GM2A: variants seen among roughly 807,000 people sequenced by gnomAD.
GM2A encodes GM2 ganglioside activator.
In GM2A, 7 loss-of-function variants were observed where a neutral mutation model predicts 12.9. The observed-to-expected ratio is 0.54, with a 90% CI of 0.31 to 1.02. The LOEUF (loss-of-function observed/expected upper bound fraction) is 1.02, where lower values mean the gene tolerates loss of function less well. Among genes scored for constraint, GM2A ranks in the 50% least tolerant of loss-of-function variants. GM2A has a pLI of 0.05. For synonymous variants in GM2A, 101 were observed against 96.0 expected, an observed-to-expected ratio of 1.05 and a Z score of -0.30; for missense variants, 246 against 241.0, an observed-to-expected ratio of 1.02 and a Z score of -0.14.
At chr5:151,266,485 T>G (rs530187258) in intron 2 of GM2A, among the ~76,000 whole-genome samples, 1 of 149,954 alleles carries the variant, frequency 6.7e-6, no homozygotes, top group South Asian at 2.2e-4. Context: ...TATGTATAGT[T>G]CAGTGTAGGG....
chr5:151,265,823 C>T (rs1753874794), intron 2 of GM2A, among the ~76,000 whole-genome samples: 1 of 152,200 alleles, frequency 6.6e-6, no homozygotes, highest in African/African-American at 2.4e-5. Context: ...TGTAGCTTTC[C>T]CGGCTGAGTC....
At chr5:151,262,232 TA>T (rs1182049137) in intron 2 of GM2A, among the ~76,000 whole-genome samples, 1 of 152,246 alleles carries the variant, frequency 6.6e-6, no homozygotes, top group East Asian at 1.9e-4. Context: ...CCTCTCTAGC[TA>T]AAATTGCTAC....
At chr5:151,262,064 G>A (rs1375589479) in intron 2 of GM2A, among the ~76,000 whole-genome samples, 2 of 152,192 alleles carry the variant, frequency 1.3e-5, no homozygotes, top group East Asian at 3.8e-4. Context: ...GAGCGTAGAT[G>A]TCTATTCATA....
At chr5:151,258,689 A>T (rs1188428333) in intron 1 of GM2A, among the ~76,000 whole-genome samples, 1 of 152,162 alleles carries the variant, frequency 6.6e-6, no homozygotes, top group Non-Finnish European at 1.5e-5. Context: ...CCATATCCCC[A>T]GCCTTTTATA....
intron 2 of GM2A, among the ~76,000 whole-genome samples, chr5:151,260,119 G>A (rs546950047): frequency 2.0e-5 from 3 of 152,174 alleles, no homozygotes; most frequent in Non-Finnish European, 2.9e-5. Flanking sequence ...TGATGTCAGC[G>A]CCAGCAACTT....
chr5:151,260,118 C>T (rs1030958128), intron 2 of GM2A, among the ~76,000 whole-genome samples: 1 of 152,176 alleles, frequency 6.6e-6, no homozygotes, highest in Non-Finnish European at 1.5e-5. Context: ...CTGATGTCAG[C>T]GCCAGCAACT....
intron 2 of GM2A, among the ~76,000 whole-genome samples, chr5:151,263,089 C>CTTTTTTTT (rs869289721): frequency 3.3e-5 from 4 of 119,544 alleles, no homozygotes; most frequent in African/African-American, 6.4e-5. Context: ...TCCCCAATTT[C>CTTTTTTTT]TTTTTTTTTT....
Position 151,267,921 on chromosome 5 carries a change from C to T in GM2A, c.*470C>T. On this transcript the variant is annotated 3_prime_UTR_variant, in exon 4 of 4. Coordinates refer to ENST00000357164, the MANE Select transcript of GM2A (RefSeq NM_000405.5). The stretch of plus-strand genomic sequence containing the variant: ...AGGGGCAAAAGTATTTGCTCTTAGT[C>T]TATTCCTCCCTTAACTTCTGTGACT... 14 of 1,134,776 alleles carry T rather than the reference C, an allele frequency of 1.2e-5. No individual in the cohort carries two copies. The highest frequency in any genetic ancestry group is 1.5e-5 in the Non-Finnish European group (14 of 917,098). 70.3% of individuals were successfully genotyped at this position (1,134,776 alleles called of 1,614,324 possible).
At chr5:151,256,608 G>GAAAA in intron 1 of GM2A, among the ~76,000 whole-genome samples, 1 of 121,632 alleles carries the variant, frequency 8.2e-6, no homozygotes, top group East Asian at 2.2e-4. Flanking sequence ...TCTGTCTCAA[G>GAAAA]AAAAAAAAAA....
chr5:151,259,852 T>C lies in GM2A; in HGVS notation c.179T>C (p.Val60Ala). Residue 60 changes from valine (V) to alanine (A), a missense_variant, in exon 2 of 4, where the codon GTT becomes GCT. Physicochemically the swap from Val to Ala is moderately conservative, Grantham distance 64 (BLOSUM62 0). Transcript: ENST00000357164. ...SLTLEPDPII[V>A]PGNVTLSVMG... is the part of the protein sequence containing the mutation. ...ACTCTGGAGCCTGACCCCATCATCGTTCCTGGAAATGTGACCCTCAGTGTC... is the reference window on the plus strand; with the variant it reads ...ACTCTGGAGCCTGACCCCATCATCGCTCCTGGAAATGTGACCCTCAGTGTC... The C allele has an allele frequency of 1.2e-6, 2 of 1,613,596 alleles. No homozygotes were observed. Among genetic ancestry groups the C allele is most frequent in the Non-Finnish European group, 1.7e-6 (2 of 1,179,546 alleles).
At chr5:151,255,917 A>C (rs1018581253) in intron 1 of GM2A, among the ~76,000 whole-genome samples, 6 of 152,150 alleles carry the variant, frequency 3.9e-5, no homozygotes, top group African/African-American at 1.4e-4. Flanking sequence ...ACTAGGTCTT[A>C]GATTGGCAGT....
rs35982513 is a variant in GM2A at position 151,268,161 on chromosome 5, CTTT to C, written c.*721_*723del. ...TTCCAGGCTTGATTTCGATTTTTCG[CTTT>C]TTTTTTTTTTGAGACAGAATCTCAC... On this transcript the variant is annotated 3_prime_UTR_variant, in exon 4 of 4. Coordinates refer to ENST00000357164, the MANE Select transcript of GM2A (RefSeq NM_000405.5). 4.9e-5 allele frequency: 41 copies of C among 844,438 alleles called. No homozygotes were observed. The highest frequency in any genetic ancestry group is 6.2e-4 in the Middle Eastern group (1 of 1,614). 52.3% of individuals were successfully genotyped at this position (844,438 alleles called of 1,614,324 possible).
chr5:151,266,606 T>A, intron 2 of GM2A, 125 bp from the exon 3 acceptor site: 1 of 733,902 alleles, frequency 1.4e-6, no homozygotes, highest in Non-Finnish European at 2.4e-6. Flanking sequence ...TAAGATCTCA[T>A]CCAGTTAAAA....
At position 151,253,304 on chromosome 5, in the gene GM2A, G is replaced by A. The variant is rs1374707056; in HGVS notation, c.81+7G>A. On this transcript the variant is annotated splice_region_variant and intron_variant, in intron 1 of 3. Coordinates refer to ENST00000357164, the MANE Select transcript of GM2A (RefSeq NM_000405.5). ...GCAAGCCCACCTGAAAAAGGTGAGTGCACCCTCTTTTAAGAGTCTGTTTGC... is the reference window on the plus strand; with the variant it reads ...GCAAGCCCACCTGAAAAAGGTGAGTACACCCTCTTTTAAGAGTCTGTTTGC... 6.2e-7 allele frequency: 1 copy of A among 1,604,854 alleles called. No homozygotes were observed. Among genetic ancestry groups the A allele is most frequent in the Non-Finnish European group, 8.5e-7 (1 of 1,172,030 alleles).
chr5:151,257,411 T>C (rs527540967), intron 1 of GM2A, among the ~76,000 whole-genome samples: 142 of 152,162 alleles, frequency 9.3e-4, no homozygotes, highest in African/African-American at 3.3e-3. Context: ...CTGGATACCC[T>C]ACCCCCACCC....
chr5:151,258,439 ATTTCCACC>A (rs1753732227), intron 1 of GM2A, among the ~76,000 whole-genome samples: 1 of 152,236 alleles, frequency 6.6e-6, no homozygotes, highest in Admixed American at 6.5e-5. Flanking sequence ...CAGAGCTATG[ATTTCCACC>A]CAGGGCTGTT....
intron 1 of GM2A, among the ~76,000 whole-genome samples, chr5:151,259,042 G>A (rs945437002): frequency 7.2e-5 from 11 of 152,178 alleles, no homozygotes; most frequent in African/African-American, 2.7e-4. Flanking sequence ...CCTGGGGGAT[G>A]TGGAGGAGGA....
At position 151,265,918 on chromosome 5, in the gene GM2A, A is replaced by C. The variant is rs888119305; in HGVS notation, c.244-813A>C. Reference sequence around the variant, plus strand: ...CAGTCTCAAGGTGATCTTTCTATACATTCCTATTGTTCTTAATTCTGTCTT... The same window carrying C: ...CAGTCTCAAGGTGATCTTTCTATACCTTCCTATTGTTCTTAATTCTGTCTT... On this transcript the variant is annotated intron_variant, in intron 2 of 3. Coordinates refer to ENST00000357164, the MANE Select transcript of GM2A (RefSeq NM_000405.5). Among the ~76,000 whole-genome samples, 14 of 152,270 alleles carry C rather than the reference A, an allele frequency of 9.2e-5. No homozygotes were observed. The Middle Eastern group carries it at 0.01, about 111-fold the overall frequency.
Position 151,269,704 on chromosome 5 carries a change from G to A in GM2A, c.*2253G>A, listed in dbSNP as rs554614171. The A allele has an allele frequency of 1.2e-5, 2 of 160,786 alleles. No homozygotes were observed. Among genetic ancestry groups the A allele is most frequent in the African/African-American group, 2.4e-5 (1 of 41,606 alleles). The allele number at this position is 160,786 out of a possible 1,614,324, so 10.0% of individuals were successfully genotyped here. On this transcript the variant is annotated 3_prime_UTR_variant, in exon 4 of 4. Transcript: ENST00000357164. ...AACCTTAGAAGTAACTAAAATTTCT[G>A]TACATCTCCGGAATGCCATGCTGAA...
Sources: gnomAD v4.1 joint callset for allele counts (sites outside exome capture counted in the v4.1 genomes callset) on GRCh38, gnomAD v4.1.1 for gene constraint, MANE v1.5 for transcripts, NCBI Gene and HGNC (gene_info 2026-07-23, HGNC 2026-07-21) for gene names.